The following SHB variants were observed in gnomAD, a reference collection of about 807,000 sequenced individuals.
SHB encodes the protein SH2 domain containing adaptor protein B, also known as SH2 domain-containing adapter protein B.
Under a neutral mutation model 52.3 loss-of-function variants are expected in SHB, and 20 were observed. The ratio of observed to expected loss-of-function variants is 0.38; its 90% CI spans 0.27 to 0.56. SHB has a LOEUF of 0.56. Among genes scored for constraint, SHB ranks in the 20% least tolerant of loss-of-function variants. The pLI is 0.71. For synonymous variants in SHB, 397 were observed against 316.5 expected, an observed-to-expected ratio of 1.25 and a Z score of -2.70; for missense variants, 825 against 723.3, an observed-to-expected ratio of 1.14 and a Z score of -1.61.
chr9:38,029,932 T>C (rs1005429464), intron 1 of SHB, among the ~76,000 whole-genome samples: 2 of 152,240 alleles, frequency 1.3e-5, no homozygotes, highest in African/African-American at 4.8e-5. Context: ...TACACGTGCA[T>C]GCGTGTACAC....
In SHB at chr9:37,943,510, T is replaced by C. The variant is rs187746589; in HGVS notation, c.1346+5125A>G. Among the ~76,000 whole-genome samples, 47 of 152,288 alleles carry C rather than the reference T, an allele frequency of 3.1e-4. 1 individual carries two copies. Among genetic ancestry groups the C allele is most frequent in the African/African-American group, 1.1e-3 (44 of 41,560 alleles). ...CCAGAGGTGTCTCCTTAGGTCACGT[T>C]TGCAAGATGCCAGGCAATTTGCCTT... On this transcript the variant is annotated intron_variant, in intron 5 of 5. Transcript: ENST00000377707.
chr9:37,921,635 A>G (rs1268846657), intron 5 of SHB, among the ~76,000 whole-genome samples: 1 of 152,236 alleles, frequency 6.6e-6, no homozygotes, highest in Non-Finnish European at 1.5e-5. Flanking sequence ...TGTTCTAATT[A>G]CAGAGCCTGT....
chr9:37,940,004 G>A (rs927128409), intron 5 of SHB, among the ~76,000 whole-genome samples: 10 of 152,218 alleles, frequency 6.6e-5, no homozygotes, highest in Admixed American at 1.3e-4. Flanking sequence ...AGGGCTCAGA[G>A]AATATGCAGA....
At chr9:37,953,169 G>A (rs943031052) in intron 4 of SHB, among the ~76,000 whole-genome samples, 1 of 152,114 alleles carries the variant, frequency 6.6e-6, no homozygotes, top group Non-Finnish European at 1.5e-5. Flanking sequence ...GACAGAGGGG[G>A]TCGTCTGGGG....
At chr9:38,014,741 T>TC (rs1821188825) in intron 2 of SHB, among the ~76,000 whole-genome samples, 1 of 152,122 alleles carries the variant, frequency 6.6e-6, no homozygotes, top group Non-Finnish European at 1.5e-5. Flanking sequence ...GGTCAGAGAA[T>TC]CTCCTTCCAT....
At chr9:37,998,671 TCAA>T (rs1820978531) in intron 2 of SHB, among the ~76,000 whole-genome samples, 1 of 152,224 alleles carries the variant, frequency 6.6e-6, no homozygotes, top group African/African-American at 2.4e-5. Context: ...TAGGTTAGCC[TCAA>T]ACTCTTGAGC....
At chr9:37,967,860 G>A (rs962660800) in intron 3 of SHB, among the ~76,000 whole-genome samples, 7 of 152,238 alleles carry the variant, frequency 4.6e-5, no homozygotes, top group Non-Finnish European at 1.0e-4. Flanking sequence ...GGGAAGGCGC[G>A]GATCGGAGGA....
At chr9:38,005,043 G>A (rs535427559) in intron 2 of SHB, among the ~76,000 whole-genome samples, 22 of 152,332 alleles carry the variant, frequency 1.4e-4, no homozygotes, top group Non-Finnish European at 2.6e-4. Context: ...ACAGGGCACC[G>A]ACAGTCTGAG....
intron 1 of SHB, among the ~76,000 whole-genome samples, chr9:38,025,899 CAGAACT>C (rs1001692756): frequency 2.0e-5 from 3 of 152,198 alleles, no homozygotes; most frequent in African/African-American, 7.2e-5. Context: ...GAGCGGGTGA[CAGAACT>C]AGACTCCCAT....
chr9:38,054,668 A>G (rs1202135537), intron 1 of SHB, among the ~76,000 whole-genome samples: 1 of 152,174 alleles, frequency 6.6e-6, no homozygotes, highest in Admixed American at 6.5e-5. Flanking sequence ...TGAAGATACA[A>G]TCGCACATCT....
At chr9:38,043,850 T>C (rs1167142392) in intron 1 of SHB, among the ~76,000 whole-genome samples, 1 of 151,436 alleles carries the variant, frequency 6.6e-6, no homozygotes, top group Non-Finnish European at 1.5e-5. Flanking sequence ...GATTATGCCA[T>C]TGCACTCCAG....
At chr9:37,945,231 C>T (rs1224113957) in intron 5 of SHB, among the ~76,000 whole-genome samples, 2 of 152,196 alleles carry the variant, frequency 1.3e-5, no homozygotes, top group Non-Finnish European at 2.9e-5. Flanking sequence ...TCAAGAATGC[C>T]ATTCCCCACC....
At chr9:37,934,548 G>A (rs1832347283) in intron 5 of SHB, among the ~76,000 whole-genome samples, 1 of 151,944 alleles carries the variant, frequency 6.6e-6, no homozygotes, top group Non-Finnish European at 1.5e-5. Context: ...TGATCCTCCT[G>A]CCTTGGCCTC....
chr9:37,986,926 G>A (rs527266913), intron 2 of SHB, among the ~76,000 whole-genome samples: 3 of 152,362 alleles, frequency 2.0e-5, no homozygotes, highest in East Asian at 3.9e-4. Context: ...CCCCACACAC[G>A]CGATCTTCCA....
intron 2 of SHB, among the ~76,000 whole-genome samples, chr9:37,985,693 T>C (rs1354865214): frequency 6.6e-6 from 1 of 152,238 alleles, no homozygotes; most frequent in Non-Finnish European, 1.5e-5. Flanking sequence ...CCTGTTTTTC[T>C]TCCTCGAATA....
rs1243442230 is a variant in SHB at position 37,925,507 on chromosome 9, C to G, written c.1347-5503G>C. 1.2e-4 allele frequency among the ~76,000 whole-genome samples: 18 copies of G among 152,290 alleles called. 1 individual carries two copies. The East Asian group carries it at 2.7e-3, about 23-fold the overall frequency. On this transcript the variant is annotated intron_variant, in intron 5 of 5. Coordinates refer to ENST00000377707, the MANE Select transcript of SHB (RefSeq NM_003028.3). ...CTCTTCCCTTAGGATTTGGAAAGGA[C>G]TTATTCCTGAGGCCACTCAGCCGCC...
chr9:37,952,366 C>T (rs1242236977), intron 4 of SHB, among the ~76,000 whole-genome samples: 1 of 152,152 alleles, frequency 6.6e-6, no homozygotes, highest in Non-Finnish European at 1.5e-5. Context: ...GCAGCAAGTG[C>T]AAAGGTCCTG....
chr9:38,002,677 AAAG>A (rs777947474), intron 2 of SHB, among the ~76,000 whole-genome samples: 4 of 152,206 alleles, frequency 2.6e-5, no homozygotes, highest in Non-Finnish European at 4.4e-5. Context: ...TCTCTCTGTG[AAAG>A]AAGATTTCCA....
chr9:38,039,820 G>A (rs1339538868), intron 1 of SHB, among the ~76,000 whole-genome samples: 1 of 152,250 alleles, frequency 6.6e-6, no homozygotes, highest in African/African-American at 2.4e-5. Context: ...TAGGCCACAG[G>A]CCTCTGGGGC....
Sources: gnomAD v4.1 joint callset for allele counts (sites outside exome capture counted in the v4.1 genomes callset) on GRCh38, gnomAD v4.1.1 for gene constraint, MANE v1.5 for transcripts, NCBI Gene and HGNC (gene_info 2026-07-23, HGNC 2026-07-21) for gene names.